The following IGSF11 variants were observed in gnomAD, a reference collection of about 807,000 sequenced individuals.
IGSF11 encodes the protein CXADR like 1.
Under a neutral mutation model 41.0 loss-of-function variants are expected in IGSF11, and 22 were observed. The observed-to-expected ratio is 0.54, with a 90% CI of 0.38 to 0.77. IGSF11 has a LOEUF of 0.77. IGSF11 is among the 30% of genes least tolerant of loss of function. The probability of loss-of-function intolerance (pLI) is 0.00; values close to 1 mark genes in which losing one functional copy is unlikely to be tolerated. For synonymous variants in IGSF11, 219 were observed against 201.3 expected, an observed-to-expected ratio of 1.09 and a Z score of -0.74; for missense variants, 444 against 530.8, an observed-to-expected ratio of 0.84 and a Z score of 1.61.
chr3:119,138,267 T>G (rs545070573), intron 1 of IGSF11, among the ~76,000 whole-genome samples: 8 of 152,044 alleles, frequency 5.3e-5, no homozygotes, highest in Non-Finnish European at 1.2e-4. Flanking sequence ...ATATCTTCAC[T>G]CCCATGTTTA....
intron 1 of IGSF11, among the ~76,000 whole-genome samples, chr3:118,988,934 G>C (rs144692825): frequency 6.6e-6 from 1 of 152,154 alleles, no homozygotes; most frequent in Non-Finnish European, 1.5e-5. Context: ...TTCTCCAGTA[G>C]ACTTTCACTA....
chr3:118,992,984 G>A (rs565203230), intron 1 of IGSF11, among the ~76,000 whole-genome samples: 168 of 152,274 alleles, frequency 1.1e-3, no homozygotes, highest in African/African-American at 4.0e-3. Context: ...CCAGCACCTT[G>A]GGAGGCCAAG....
At chr3:119,005,830 T>C (rs1937444655) in intron 1 of IGSF11, among the ~76,000 whole-genome samples, 1 of 118,312 alleles carries the variant, frequency 8.5e-6, no homozygotes, top group Admixed American at 8.3e-5. Flanking sequence ...TGCCGAGAGA[T>C]CCGCTGTTAG....
rs375348284 is a variant in IGSF11 at position 118,930,180 on chromosome 3, C to T, written c.148G>A (p.Ala50Thr). The T allele has an allele frequency of 4.3e-6, 7 of 1,613,888 alleles. No individual in the cohort carries two copies. The highest frequency in any genetic ancestry group is 2.2e-5 in the East Asian group (1 of 44,892). The part of the protein sequence containing the change: ...AVLPCTFTTS[A>T]ALINLNVIWM... Reference sequence around the variant, plus strand: ...ATGACATTGAGGTTAATGAGGGCAGCGCTGGTAGTGAAAGTGCAGGGCAGG... The same window carrying T: ...ATGACATTGAGGTTAATGAGGGCAGTGCTGGTAGTGAAAGTGCAGGGCAGG... The change falls in exon 2 of 7, where the codon GCT becomes ACT. Residue 50 changes from alanine (A) to threonine (T), a missense_variant. By Grantham distance (58) the Ala-to-Thr change is moderately conservative (BLOSUM62 0). Around this residue, in one of 3 missense-constraint regions of IGSF11, gnomAD observed 193 missense variants for 283.5 expected, o/e 0.68. Coordinates refer to ENST00000393775, the MANE Select transcript of IGSF11 (RefSeq NM_001015887.3).
chr3:118,955,143 G>A (rs9834188), intron 1 of IGSF11, among the ~76,000 whole-genome samples: 10,350 of 151,588 alleles, frequency 0.068, 1,176 homozygotes, highest in African/African-American at 0.24. Context: ...AATTGCAAAA[G>A]TATGGAACCA....
intron 1 of IGSF11, among the ~76,000 whole-genome samples, chr3:118,971,174 AC>A (rs1232530043): frequency 6.6e-6 from 1 of 152,218 alleles, no homozygotes; most frequent in Non-Finnish European, 1.5e-5. Context: ...GAAGCATACA[AC>A]GGGCATTTAT....
At chr3:119,013,436 G>T (rs1938357416) in intron 1 of IGSF11, among the ~76,000 whole-genome samples, 1 of 152,164 alleles carries the variant, frequency 6.6e-6, no homozygotes, top group African/African-American at 2.4e-5. Flanking sequence ...TATGTCCCTG[G>T]ATCCCTTTTT....
intron 1 of IGSF11, among the ~76,000 whole-genome samples, chr3:119,000,251 T>C (rs1009701526): frequency 6.6e-6 from 1 of 150,636 alleles, no homozygotes; most frequent in Non-Finnish European, 1.5e-5. Context: ...CACACTCATA[T>C]TATTTGATGA....
At chr3:119,072,856 T>C (rs147724020) in intron 1 of IGSF11, among the ~76,000 whole-genome samples, 1,527 of 152,288 alleles carry the variant, frequency 0.01, 15 homozygotes, top group Middle Eastern at 0.024. Flanking sequence ...CAGCCTGCTT[T>C]TATTCCCTAG....
At chr3:118,957,426 G>T (rs1014776403) in intron 1 of IGSF11, among the ~76,000 whole-genome samples, 1 of 152,132 alleles carries the variant, frequency 6.6e-6, no homozygotes, top group Admixed American at 6.5e-5. Flanking sequence ...ACAGACATAG[G>T]CTTGTTTAAA....
intron 1 of IGSF11, among the ~76,000 whole-genome samples, chr3:119,137,009 GAATT>G (rs985635910): frequency 1.3e-4 from 20 of 152,064 alleles, no homozygotes; most frequent in Non-Finnish European, 2.4e-4. Context: ...ATGTGCCTAG[GAATT>G]AATTAAAGTG....
In IGSF11 at chr3:118,904,582, T is replaced by C. The variant is rs569727035; in HGVS notation, c.854+66A>G. On this transcript the variant is annotated intron_variant, in intron 6 of 6. Transcript: ENST00000393775. ...TTATGATTAGTAGATATATCTTAAC[T>C]GACACAAATGAATAGAAGTACACAA... The C allele has an allele frequency of 2.6e-5, 30 of 1,169,352 alleles. No individual in the cohort carries two copies. In the South Asian group the frequency reaches 3.8e-4, roughly 15 times the overall value. 72.4% of individuals were successfully genotyped at this position (1,169,352 alleles called of 1,614,324 possible). A position where few individuals can be genotyped will look rare whatever the true frequency, so the allele number is the denominator to read the frequency against.
chr3:118,976,448 T>C (rs1005896953), intron 1 of IGSF11, among the ~76,000 whole-genome samples: 33 of 152,146 alleles, frequency 2.2e-4, no homozygotes, highest in African/African-American at 7.5e-4. Context: ...AAAACCACCA[T>C]CATCATTGAA....
Position 118,926,228 on chromosome 3 carries a change from G to C in IGSF11, c.453C>G (p.Ile151Met). The C allele has an allele frequency of 6.2e-7, 1 of 1,607,860 alleles. No homozygotes were observed. The highest frequency in any genetic ancestry group is 8.5e-7 in the Non-Finnish European group (1 of 1,175,806). Residue 151 changes from isoleucine (I) to methionine (M), a missense_variant, in exon 4 of 7, where the codon ATC (isoleucine) becomes ATG (methionine). Around this residue, in one of 3 missense-constraint regions of IGSF11, gnomAD observed 193 missense variants for 283.5 expected, o/e 0.68. Coordinates refer to ENST00000393775, the MANE Select transcript of IGSF11 (RefSeq NM_001015887.3). ...LVPPSAPHCQIQGSQDIGSDV... is the reference protein window; with the variant it reads ...LVPPSAPHCQMQGSQDIGSDV... Reference sequence around the variant, plus strand: ...CGCTGCCAATATCCTGGGATCCTTGGATTTGGCAGTGTGGGGCAGAAGGGG... The same window carrying C: ...CGCTGCCAATATCCTGGGATCCTTGCATTTGGCAGTGTGGGGCAGAAGGGG...
At chr3:119,026,303 C>T (rs1164081217) in intron 1 of IGSF11, among the ~76,000 whole-genome samples, 1 of 152,036 alleles carries the variant, frequency 6.6e-6, no homozygotes, top group African/African-American at 2.4e-5. Context: ...TATTGTCTGG[C>T]TAGTTGTCTC....
intron 1 of IGSF11, among the ~76,000 whole-genome samples, chr3:118,967,137 TAA>T (rs1350072866): frequency 6.6e-6 from 1 of 152,074 alleles, no homozygotes; most frequent in Non-Finnish European, 1.5e-5. Context: ...GGATGCTAAA[TAA>T]ACTCAGCTTC....
chr3:119,055,555 A>G (rs970482226), intron 1 of IGSF11, among the ~76,000 whole-genome samples: 13 of 152,216 alleles, frequency 8.5e-5, no homozygotes, highest in Non-Finnish European at 1.6e-4. Context: ...AACATTAGAC[A>G]GAACAACGAG....
chr3:118,902,767 C>T lies in IGSF11; in HGVS notation c.1049G>A (p.Gly350Asp), dbSNP rs1328317547. The T allele has an allele frequency of 6.2e-7, 1 of 1,614,112 alleles. No individual in the cohort carries two copies. Among genetic ancestry groups the T allele is most frequent in the Non-Finnish European group, 8.5e-7 (1 of 1,180,000 alleles). The change falls in exon 7 of 7, where the codon GGC becomes GAC. Residue 350 changes from glycine to aspartate, a missense_variant. By Grantham distance (94) the Gly-to-Asp change is moderately conservative. Transcript: ENST00000393775. Reference sequence around the variant, plus strand: ...ATAAATGGATGGTATGTTGGCATTGCCTGAGTGGAAAGAGAAAGATTGGCC... The same window carrying T: ...ATAAATGGATGGTATGTTGGCATTGTCTGAGTGGAAAGAGAAAGATTGGCC... The part of the protein sequence containing the change: ...DLGQSFSFHS[G>D]NANIPSIYAN...
At chr3:118,916,538 A>G (rs1941116376) in intron 4 of IGSF11, among the ~76,000 whole-genome samples, 1 of 151,664 alleles carries the variant, frequency 6.6e-6, no homozygotes, top group Admixed American at 6.6e-5. Flanking sequence ...AAAGGGATCA[A>G]TTCAACAAGA....
Sources: gnomAD v4.1 joint callset for allele counts (sites outside exome capture counted in the v4.1 genomes callset) on GRCh38, gnomAD v4.1.1 for gene constraint, gnomAD v4.1.1 regional missense constraint, MANE v1.5 for transcripts, NCBI Gene and HGNC (gene_info 2026-07-23, HGNC 2026-07-21) for gene names.